Variants in VRK2 observed in about 807,000 individuals in gnomAD.
VRK2 encodes VRK serine/threonine kinase 2.
In VRK2, 60 loss-of-function variants were observed where a neutral mutation model predicts 57.6. That is an observed-to-expected ratio of 1.04 (90% CI 0.85 to 1.29). VRK2 has a LOEUF of 1.29. Among genes scored for constraint, VRK2 ranks in the 50% most tolerant of loss-of-function variants. VRK2 has a pLI of 0.00. For synonymous variants in VRK2, 231 were observed against 199.2 expected, an observed-to-expected ratio of 1.16 and a Z score of -1.35; for missense variants, 705 against 588.1, an observed-to-expected ratio of 1.20 and a Z score of -2.06.
intron 1 of VRK2, among the ~76,000 whole-genome samples, chr2:57,973,270 T>C: frequency 6.6e-6 from 1 of 151,856 alleles, no homozygotes; most frequent in East Asian, 1.9e-4. Flanking sequence ...CGGATAAATT[T>C]GAACATATTT....
At chr2:58,147,237 TTA>T (rs2104656573) in intron 12 of VRK2, 1 of 517,010 alleles carries the variant, frequency 1.9e-6, no homozygotes, top group African/African-American at 1.9e-5. Flanking sequence ...GAGGCAAAAA[TTA>T]GAAGCATAGT....
At chr2:58,058,036 T>C (rs1187458589) in intron 2 of VRK2, among the ~76,000 whole-genome samples, 5 of 152,046 alleles carry the variant, frequency 3.3e-5, no homozygotes, top group Non-Finnish European at 7.4e-5. Context: ...CCAAGTGAAA[T>C]AGAGTATTTA....
intron 1 of VRK2, among the ~76,000 whole-genome samples, chr2:58,008,906 G>A (rs1289130915): frequency 2.0e-5 from 3 of 152,106 alleles, no homozygotes; most frequent in Non-Finnish European, 4.4e-5. Flanking sequence ...GTTGTCTGAT[G>A]AATGTTGCCC....
chr2:58,018,136 G>C (rs1456608615), intron 1 of VRK2: 2 of 152,088 alleles, frequency 1.3e-5, no homozygotes, highest in Non-Finnish European at 2.9e-5. Context: ...GGGATTACAG[G>C]TGCACGCCAC....
At chr2:57,936,867 C>T (rs1354826178) in intron 1 of VRK2, among the ~76,000 whole-genome samples, 1 of 152,152 alleles carries the variant, frequency 6.6e-6, no homozygotes, top group Non-Finnish European at 1.5e-5. Context: ...TTTGGTCTTG[C>T]TAAAACTCTA....
At chr2:58,105,271 C>T (rs1428901542) in intron 7 of VRK2, among the ~76,000 whole-genome samples, 2 of 151,790 alleles carry the variant, frequency 1.3e-5, no homozygotes, top group African/African-American at 4.8e-5. Flanking sequence ...AACAGACAAC[C>T]TGCAGAGTGG....
chr2:58,101,178 C>A (rs188346976), intron 7 of VRK2, among the ~76,000 whole-genome samples: 1 of 151,494 alleles, frequency 6.6e-6, no homozygotes, highest in East Asian at 1.9e-4. Context: ...TTCCAGTGCT[C>A]GTAAGATTCC....
chr2:58,063,696 A>G (rs982134778), intron 2 of VRK2, among the ~76,000 whole-genome samples: 9 of 152,096 alleles, frequency 5.9e-5, no homozygotes, highest in African/African-American at 2.2e-4. Flanking sequence ...TCTGTAGCTC[A>G]TGGATCAAAG....
Position 58,159,224 on chromosome 2 carries a change from A to T in VRK2, c.1183-125A>T, listed in dbSNP as rs140082762. On this transcript the variant is annotated intron_variant, in intron 12 of 12. Transcript: ENST00000340157. ...CTTTACCTAAAAATTACTTCTCAGG[A>T]AAAATAACACGCAAAAACTTGATCT... 674 of 705,878 alleles carry T rather than the reference A, an allele frequency of 9.5e-4. 1 individual carries two copies. The highest frequency in any genetic ancestry group is 2.1e-3 in the Admixed American group (67 of 31,446). The allele number at this position is 705,878 out of a possible 1,614,324, so 43.7% of individuals were successfully genotyped here.
At chr2:57,977,593 T>A (rs1379083686) in intron 1 of VRK2, among the ~76,000 whole-genome samples, 1 of 151,586 alleles carries the variant, frequency 6.6e-6, no homozygotes, top group Admixed American at 6.6e-5. Flanking sequence ...TTACTGAAGT[T>A]GTTTATGTCC....
At chr2:57,977,922 C>T (rs866697140) in intron 1 of VRK2, among the ~76,000 whole-genome samples, 1 of 151,036 alleles carries the variant, frequency 6.6e-6, no homozygotes, top group South Asian at 2.1e-4. Context: ...GGGTATTTAA[C>T]ATGAAGGGTG....
chr2:57,997,047 T>C (rs1472406410), intron 1 of VRK2, among the ~76,000 whole-genome samples: 1 of 151,850 alleles, frequency 6.6e-6, no homozygotes, highest in Non-Finnish European at 1.5e-5. Context: ...AATCCAGATA[T>C]AAAAGAAAAA....
At chr2:57,983,118 T>C (rs1672483667) in intron 1 of VRK2, among the ~76,000 whole-genome samples, 1 of 152,162 alleles carries the variant, frequency 6.6e-6, no homozygotes, top group Admixed American at 6.5e-5. Context: ...GTCCTCCCTC[T>C]GTCCACTCTC....
chr2:58,036,694 A>T (rs1283702188), intron 3 of VRK2, among the ~76,000 whole-genome samples: 1 of 152,062 alleles, frequency 6.6e-6, no homozygotes, highest in Non-Finnish European at 1.5e-5. Context: ...CCATTCTCAT[A>T]TATATCACGC....
chr2:58,026,008 A>ATATT (rs1486421017), intron 2 of VRK2, among the ~76,000 whole-genome samples: 1 of 152,192 alleles, frequency 6.6e-6, no homozygotes, highest in African/African-American at 2.4e-5. Context: ...TGCATTAAAT[A>ATATT]ATGTTCTATA....
intron 3 of VRK2, among the ~76,000 whole-genome samples, chr2:58,041,388 A>C (rs1674450132): frequency 6.6e-6 from 1 of 152,136 alleles, no homozygotes; most frequent in Admixed American, 6.5e-5. Context: ...AGTTAACTGG[A>C]AACACCAGTT....
At chr2:58,030,651 T>C (rs1011737941) in intron 2 of VRK2, among the ~76,000 whole-genome samples, 23 of 146,058 alleles carry the variant, frequency 1.6e-4, no homozygotes, top group Non-Finnish European at 4.4e-5. Flanking sequence ...AAAACTTGTG[T>C]GGCAGATTGT....
chr2:57,966,767 A>C (rs1671930712), intron 1 of VRK2, among the ~76,000 whole-genome samples: 1 of 152,180 alleles, frequency 6.6e-6, no homozygotes, highest in Admixed American at 6.5e-5. Context: ...TTTTTAAGAG[A>C]GTTACTAGTT....
At chr2:58,024,209 G>A (rs187072113) in intron 1 of VRK2, among the ~76,000 whole-genome samples, 15 of 152,068 alleles carry the variant, frequency 9.9e-5, no homozygotes, top group Admixed American at 3.3e-4. Flanking sequence ...CAAAGATGAG[G>A]AGAGAGGAGA....
Sources: allele counts gnomAD v4.1 joint callset (sites outside exome capture counted in the v4.1 genomes callset), GRCh38; gene constraint gnomAD v4.1.1; transcripts MANE v1.5; gene names NCBI Gene and HGNC (gene_info 2026-07-23, HGNC 2026-07-21).